FARSB: variants seen among roughly 807,000 people sequenced by gnomAD.
FARSB encodes the protein phenylalanine--tRNA ligase beta subunit.
A neutral mutation model predicts 69.6 loss-of-function variants in FARSB; 40 were observed. The ratio of observed to expected loss-of-function variants is 0.57; its 90% CI spans 0.45 to 0.75. The LOEUF (loss-of-function observed/expected upper bound fraction) is 0.75. FARSB is among the 30% of genes least tolerant of loss of function. The probability of loss-of-function intolerance (pLI) is 0.00; values close to 1 mark genes in which losing one functional copy is unlikely to be tolerated. For synonymous variants in FARSB, 235 were observed against 247.2 expected (o/e 0.95, Z 0.46); for missense variants, 632 against 722.9 (o/e 0.87, Z 1.44).
At chr2:222,593,455 G>A (rs916017921) in intron 16 of FARSB, among the ~76,000 whole-genome samples, 1 of 152,190 alleles carries the variant, frequency 6.6e-6, no homozygotes, top group Non-Finnish European at 1.5e-5. Context: ...TGAATGGGAG[G>A]CCATTTGACT....
intron 16 of FARSB, among the ~76,000 whole-genome samples, chr2:222,575,253 AAC>A (rs1370147680): frequency 6.6e-6 from 1 of 152,370 alleles, no homozygotes; most frequent in African/African-American, 2.4e-5. Flanking sequence ...CAGAAATAAA[AAC>A]AGTCACATCG....
At chr2:222,591,372 G>A (rs1236477452) in intron 16 of FARSB, among the ~76,000 whole-genome samples, 1 of 152,132 alleles carries the variant, frequency 6.6e-6, no homozygotes, top group Non-Finnish European at 1.5e-5. Flanking sequence ...TAGAGTTCCT[G>A]TGCAACCGGA....
chr2:222,578,776 G>A (rs1464476366), intron 16 of FARSB, among the ~76,000 whole-genome samples: 1 of 151,806 alleles, frequency 6.6e-6, no homozygotes, highest in Non-Finnish European at 1.5e-5. Flanking sequence ...TCAGGAGATC[G>A]AGACCATCCT....
rs1232446511 is a variant in FARSB, at chr2:222,642,900, G to T, written c.220C>A (p.Leu74Ile). ...KIDVPANRYD[L>I]LCLEGLVRGL... The stretch of plus-strand genomic sequence containing the variant: ...CGAACCAATCCTTCCAGACACAGGA[G>T]ATCATATCTATTGGCAGGGACGTCA... Residue 74 changes from leucine (L) to isoleucine (I), a missense_variant, in exon 3 of 17, where the codon CTC becomes ATC. By Grantham distance (5) the Leu-to-Ile change is conservative. Coordinates refer to ENST00000281828, the MANE Select transcript of FARSB (RefSeq NM_005687.5). 5.0e-6 allele frequency: 8 copies of T among 1,613,040 alleles called. No homozygotes were observed. The highest frequency in any genetic ancestry group is 1.7e-4 in the Middle Eastern group (1 of 6,056).
At chr2:222,590,895 T>C (rs1003664263) in intron 16 of FARSB, among the ~76,000 whole-genome samples, 4 of 152,170 alleles carry the variant, frequency 2.6e-5, no homozygotes, top group African/African-American at 9.7e-5. Flanking sequence ...TTTTTTATAA[T>C]AACAAAGTTT....
At chr2:222,641,831 C>T (rs570523929) in intron 3 of FARSB, among the ~76,000 whole-genome samples, 1 of 152,274 alleles carries the variant, frequency 6.6e-6, no homozygotes, top group African/African-American at 2.4e-5. Flanking sequence ...TAATTATCAC[C>T]ATTTCACCAA....
intron 1 of FARSB, among the ~76,000 whole-genome samples, chr2:222,649,892 C>A (rs1311696781): frequency 6.6e-6 from 1 of 152,200 alleles, no homozygotes; most frequent in Non-Finnish European, 1.5e-5. Context: ...ATTCCTGATT[C>A]AGACACTAAA....
intron 3 of FARSB, among the ~76,000 whole-genome samples, chr2:222,642,584 T>G (rs1017086614): frequency 3.9e-5 from 6 of 152,212 alleles, no homozygotes; most frequent in Non-Finnish European, 5.9e-5. Context: ...ACCTGCTAAA[T>G]AATTTTTTAA....
At chr2:222,639,407 A>T (rs1448455554) in intron 5 of FARSB, among the ~76,000 whole-genome samples, 173 bp downstream of exon 5, 1 of 152,194 alleles carries the variant, frequency 6.6e-6, no homozygotes, top group African/African-American at 2.4e-5. Context: ...TCTGTCACAT[A>T]CTATTAATTT....
chr2:222,598,662 GGTGAATGA>G (rs1028226378), intron 16 of FARSB, among the ~76,000 whole-genome samples: 2 of 152,136 alleles, frequency 1.3e-5, no homozygotes, highest in African/African-American at 4.8e-5. Flanking sequence ...ATGGTAAACT[GGTGAATGA>G]GTATATACAG....
chr2:222,626,147 G>A (rs966715829), intron 10 of FARSB, among the ~76,000 whole-genome samples: 14 of 150,868 alleles, frequency 9.3e-5, no homozygotes, highest in Non-Finnish European at 1.9e-4. Flanking sequence ...TACTCGGGAG[G>A]CTGAGGCAGG....
In FARSB at chr2:222,655,969, G is replaced by T. The variant is rs760573998; in HGVS notation, c.58+47C>A. The T allele has an allele frequency of 1.3e-5, 19 of 1,457,640 alleles. No individual in the cohort carries two copies. The East Asian group carries it at 4.3e-4, about 33-fold the overall frequency. 90.3% of individuals were successfully genotyped at this position (1,457,640 alleles called of 1,614,324 possible). On this transcript the variant is annotated intron_variant, in intron 1 of 16. Coordinates refer to ENST00000281828, the MANE Select transcript of FARSB (RefSeq NM_005687.5). ...CATTGCCCTTTTGGAGGGAGGCCCT[G>T]CCTCCGAGAAGAGGCGTAGGGCCCA...
intron 16 of FARSB, among the ~76,000 whole-genome samples, chr2:222,592,624 C>A (rs1690304162): frequency 6.6e-6 from 1 of 150,426 alleles, no homozygotes; most frequent in African/African-American, 2.5e-5. Flanking sequence ...TTTTATAATT[C>A]TTTGTATTTG....
intron 9 of FARSB, 26 bp downstream of exon 9, chr2:222,630,087 T>G: frequency 7.2e-7 from 1 of 1,391,000 alleles, no homozygotes; most frequent in Non-Finnish European, 1.0e-6. Context: ...CAATGGGCCA[T>G]CAATAAAGGT....
intron 2 of FARSB, among the ~76,000 whole-genome samples, chr2:222,645,353 T>C (rs1438455352): frequency 1.3e-5 from 2 of 152,152 alleles, no homozygotes; most frequent in East Asian, 1.9e-4. Context: ...TGTAGTAAAA[T>C]TACGAATAGC....
chr2:222,600,360 T>C (rs970838501), intron 15 of FARSB, among the ~76,000 whole-genome samples: 18 of 152,186 alleles, frequency 1.2e-4, no homozygotes, highest in Admixed American at 2.0e-4. Flanking sequence ...GTAAAATTCT[T>C]TGTAAACAAT....
chr2:222,569,123 A>G lies in FARSB; in HGVS notation c.*2748T>C, dbSNP rs1324180812. The stretch of plus-strand genomic sequence containing the variant: ...CTCATGAGCTGGATTCGCTTCTTCC[A>G]ATGCAGCCGACACTGTTTTTCTGCC... On this transcript the variant is annotated 3_prime_UTR_variant, in exon 17 of 17. Coordinates refer to ENST00000281828, the MANE Select transcript of FARSB (RefSeq NM_005687.5). 6.6e-6 allele frequency: 1 copy of G among 152,154 alleles called. No homozygotes were observed. The highest frequency in any genetic ancestry group is 1.5e-5 in the Non-Finnish European group (1 of 68,012). The allele number at this position is 152,154 out of a possible 1,614,324, so 9.4% of individuals were successfully genotyped here.
At chr2:222,575,164 T>G (rs1485872158) in intron 16 of FARSB, among the ~76,000 whole-genome samples, 1 of 152,218 alleles carries the variant, frequency 6.6e-6, no homozygotes, top group African/African-American at 2.4e-5. Context: ...AAGGGGGTAG[T>G]TGAGCACAAT....
At chr2:222,645,860 A>G (rs1474926295) in intron 2 of FARSB, among the ~76,000 whole-genome samples, 1 of 152,172 alleles carries the variant, frequency 6.6e-6, no homozygotes, top group Admixed American at 6.5e-5. Context: ...CAAAATACAG[A>G]ATGGCCAAAA....
Sources: gnomAD v4.1 joint callset for allele counts (sites outside exome capture counted in the v4.1 genomes callset) on GRCh38, gnomAD v4.1.1 for gene constraint, MANE v1.5 for transcripts, NCBI Gene and HGNC (gene_info 2026-07-23, HGNC 2026-07-21) for gene names.